Variants in HEATR6 observed in about 807,000 individuals in gnomAD.
HEATR6 encodes the protein HEAT repeat-containing protein 6.
In HEATR6, 106 loss-of-function variants were observed where a neutral mutation model predicts 132.8. The ratio of observed to expected loss-of-function variants is 0.80; its 90% CI spans 0.68 to 0.94. The LOEUF (loss-of-function observed/expected upper bound fraction) is 0.94, where lower values mean the gene tolerates loss of function less well. Among genes scored for constraint, HEATR6 ranks in the 40% least tolerant of loss-of-function variants. The pLI is 0.00. For missense variants in HEATR6, 1,339 were observed against 1,425.1 expected (o/e 0.94, Z 0.97); for synonymous variants, 529 against 537.8 (o/e 0.98, Z 0.23).
At chr17:60,058,236 T>C (rs1906818400) in intron 11 of HEATR6, among the ~76,000 whole-genome samples, 2 of 152,246 alleles carry the variant, frequency 1.3e-5, no homozygotes, top group Admixed American at 1.3e-4. Context: ...TGAGCCTTCC[T>C]ATCCAGGAAT....
At chr17:60,050,764 G>A in intron 15 of HEATR6, 79 bp downstream of exon 15, 1 of 1,550,460 alleles carries the variant, frequency 6.4e-7, no homozygotes, top group Non-Finnish European at 8.8e-7. Flanking sequence ...CTGAATACTG[G>A]TTCAAAATGC....
In HEATR6 at chr17:60,042,071, C is replaced by T. The variant is rs919459249; in HGVS notation, c.*1492G>A. Among the ~76,000 whole-genome samples, 3 of 152,296 alleles carry T rather than the reference C, an allele frequency of 2.0e-5. No individual in the cohort carries two copies. Among genetic ancestry groups the T allele is most frequent in the African/African-American group, 7.2e-5 (3 of 41,544 alleles). On this transcript the variant is annotated 3_prime_UTR_variant, in exon 20 of 20. Coordinates refer to ENST00000184956, the MANE Select transcript of HEATR6 (RefSeq NM_022070.5). ...ATTATCAAAATATAATTGGAAACCC[C>T]TCTTTGTAACCAACTAACCAAATGA... is the stretch of plus-strand genomic sequence containing the variant.
At chr17:60,078,039 T>C in intron 1 of HEATR6, among the ~76,000 whole-genome samples, 1 of 152,196 alleles carries the variant, frequency 6.6e-6, no homozygotes, top group East Asian at 1.9e-4. Flanking sequence ...ATGAATTTCA[T>C]CTTTAGGAAC....
chr17:60,060,340 C>T (rs975789887), intron 9 of HEATR6, among the ~76,000 whole-genome samples: 21 of 152,056 alleles, frequency 1.4e-4, no homozygotes, highest in South Asian at 4.2e-4. Flanking sequence ...AGTGCAGTGG[C>T]GCAATCATAA....
chr17:60,045,103 A>G (rs1045724307), intron 19 of HEATR6, among the ~76,000 whole-genome samples: 8 of 152,152 alleles, frequency 5.3e-5, no homozygotes, highest in African/African-American at 1.9e-4. Context: ...GTAGGAGCCA[A>G]CCACCACTGA....
At chr17:60,052,158 A>T (rs1297054345) in intron 14 of HEATR6, among the ~76,000 whole-genome samples, 1 of 152,210 alleles carries the variant, frequency 6.6e-6, no homozygotes, top group East Asian at 1.9e-4. Context: ...TTCTGCCAGC[A>T]GCCAACACTA....
intron 2 of HEATR6, 198 bp from the exon 3 acceptor site, chr17:60,074,084 CA>C: frequency 7.8e-7 from 1 of 1,283,180 alleles, no homozygotes; most frequent in South Asian, 2.7e-5. Context: ...AGGTCTTGCT[CA>C]CTTCTTCCTC....
chr17:60,067,358 G>A (rs1346380792), intron 8 of HEATR6, 76 bp downstream of exon 8: 2 of 996,912 alleles, frequency 2.0e-6, no homozygotes, highest in African/African-American at 1.7e-5. Context: ...TAAATCACAT[G>A]CAGCATTCAG....
intron 2 of HEATR6, 162 bp from the exon 3 acceptor site, chr17:60,074,048 A>T (rs1453269546): frequency 7.5e-7 from 1 of 1,333,450 alleles, no homozygotes; most frequent in African/African-American, 1.5e-5. Flanking sequence ...AAGTTTGATC[A>T]ACGTAGGGGC....
intron 19 of HEATR6, 50 bp from the exon 20 acceptor site, chr17:60,044,184 G>A: frequency 7.1e-7 from 1 of 1,410,782 alleles, no homozygotes; most frequent in Non-Finnish European, 9.8e-7. Context: ...AGAACTAGGT[G>A]GGGTGAGAGG....
chr17:60,066,069 T>C, intron 9 of HEATR6, 140 bp downstream of exon 9: 6 of 677,414 alleles, frequency 8.9e-6, no homozygotes, highest in South Asian at 1.9e-5. Flanking sequence ...TATTTTCCTG[T>C]CTGTCCAGTG....
At position 60,057,080 on chromosome 17, in the gene HEATR6, C is replaced by T. The variant is rs372211880; in HGVS notation, c.2047G>A (p.Glu683Lys). 3.4e-5 allele frequency: 54 copies of T among 1,611,670 alleles called. 1 individual carries two copies. In the East Asian group the frequency reaches 6.2e-4, roughly 19 times the overall value. Residue 683 changes from glutamate to lysine, a missense_variant, in exon 12 of 20, where the codon GAA (glutamate) becomes AAA (lysine). Glu to Lys is a moderately conservative substitution (Grantham distance 56). Transcript: ENST00000184956. ...GCCTCCAGTCGCATGGGGGATGGTT[C>T]GTAGGTGCTTCCTGCTGCAGAGCCA... ...DAGSAAGSTY[E>K]PSPMRLEALQ...
intron 9 of HEATR6, chr17:60,064,034 G>T (rs763443375): frequency 2.0e-5 from 3 of 152,002 alleles, no homozygotes; most frequent in Non-Finnish European, 4.4e-5. Context: ...ACTGGGCCGG[G>T]TGCGGTGGCT....
chr17:60,054,812 T>C (rs2145186704), intron 14 of HEATR6, among the ~76,000 whole-genome samples: 2 of 152,328 alleles, frequency 1.3e-5, no homozygotes, highest in Middle Eastern at 6.8e-3. Context: ...CGTAAAGAGT[T>C]AAGACTTTGG....
chr17:60,050,716 A>T (rs2302201), intron 15 of HEATR6, 127 bp downstream of exon 15: 86,106 of 1,140,838 alleles, frequency 0.075, 4,588 homozygotes, highest in African/African-American at 0.25. Context: ...CTCATCCCCA[A>T]CTCAAGTAGA....
intron 12 of HEATR6, among the ~76,000 whole-genome samples, chr17:60,056,815 G>T (rs1354708518): frequency 6.6e-6 from 1 of 152,034 alleles, no homozygotes; most frequent in African/African-American, 2.4e-5. Context: ...TACCTGAAGG[G>T]ACTAAAATAA....
At chr17:60,068,644 C>G (rs540256831) in intron 7 of HEATR6, among the ~76,000 whole-genome samples, 7 of 151,534 alleles carry the variant, frequency 4.6e-5, no homozygotes, top group Admixed American at 2.6e-4. Flanking sequence ...CACTGAAACT[C>G]TAGTCCTACT....
At chr17:60,052,490 A>G (rs1204451453) in intron 14 of HEATR6, among the ~76,000 whole-genome samples, 1 of 152,162 alleles carries the variant, frequency 6.6e-6, no homozygotes, top group African/African-American at 2.4e-5. Context: ...AAAGTCATCT[A>G]TCTAGCAAAG....
chr17:60,075,319 C>T (rs772962082), intron 2 of HEATR6, among the ~76,000 whole-genome samples: 8 of 152,152 alleles, frequency 5.3e-5, no homozygotes, highest in Non-Finnish European at 1.2e-4. Context: ...GCTACAGATG[C>T]GTCCCTTGGG....
Sources: allele counts gnomAD v4.1 joint callset (sites outside exome capture counted in the v4.1 genomes callset), GRCh38; gene constraint gnomAD v4.1.1; transcripts MANE v1.5; gene names NCBI Gene and HGNC (gene_info 2026-07-23, HGNC 2026-07-21).